The following ABCC4 variants were observed in gnomAD, a reference collection of about 807,000 sequenced individuals.
ABCC4 encodes the protein ATP-binding cassette sub-family C member 4.
Under a neutral mutation model 168.5 loss-of-function variants are expected in ABCC4, and 102 were observed. That is an observed-to-expected ratio of 0.61 (90% CI 0.52 to 0.71). The LOEUF is 0.71. Among genes scored for constraint, ABCC4 ranks in the 30% least tolerant of loss-of-function variants. The pLI is 0.00. For missense variants in ABCC4, 1,402 were observed against 1,605.8 expected (o/e 0.87, Z 2.17); for synonymous variants, 617 against 590.7 (o/e 1.04, Z -0.65).
rs1442259034 is a variant in ABCC4, at chr13:95,021,555, A to G, written c.*20T>C. The G allele has an allele frequency of 1.3e-6, 2 of 1,546,776 alleles. No individual in the cohort carries two copies. The highest frequency in any genetic ancestry group is 1.8e-6 in the Non-Finnish European group (2 of 1,120,822). ...CTAGTGGAAAATGCCTTCGGAACGG[A>G]CTTGACATTTTGGTTGGATTCACAG... is the stretch of plus-strand genomic sequence containing the variant. On this transcript the variant is annotated 3_prime_UTR_variant, in exon 31 of 31. Transcript: ENST00000645237.
rs765938854 is a variant in ABCC4, at chr13:95,062,745, C to T, written c.3325G>A (p.Gly1109Arg). The T allele has an allele frequency of 2.2e-5, 36 of 1,613,762 alleles. No homozygotes were observed. Among genetic ancestry groups the T allele is most frequent in the Non-Finnish European group, 3.0e-5 (35 of 1,179,940 alleles). Residue 1109 changes from glycine to arginine, a missense_variant, in exon 26 of 31, where the codon GGA (glycine) becomes AGA (arginine). Around this residue, in one of 3 missense-constraint regions of ABCC4, gnomAD observed 1,007 missense variants for 1,127.3 expected, o/e 0.89. Transcript: ENST00000645237. ...WIDKILTTEI[G>R]LHDLRKKMSI... ...ATCTTCTTCCTTAAATCGTGAAGTC[C>T]AATTTCAGTTGTCAAGATCTTATCA...
At chr13:95,078,759 C>T (rs1200102775) in intron 21 of ABCC4, among the ~76,000 whole-genome samples, 2 of 152,176 alleles carry the variant, frequency 1.3e-5, no homozygotes, top group African/African-American at 4.8e-5. Context: ...CATGCTCTTA[C>T]CTCCAGAGCA....
At chr13:95,101,899 G>A (rs2034822650) in intron 20 of ABCC4, among the ~76,000 whole-genome samples, 1 of 152,116 alleles carries the variant, frequency 6.6e-6, no homozygotes, top group Non-Finnish European at 1.5e-5. Flanking sequence ...AATATACGTA[G>A]TATTTAAAAA....
chr13:95,195,119 A>G (rs920045983), intron 8 of ABCC4, among the ~76,000 whole-genome samples, 182 bp from the exon 9 acceptor site: 1 of 152,222 alleles, frequency 6.6e-6, no homozygotes, highest in Admixed American at 6.5e-5. Flanking sequence ...ATAAACATGT[A>G]AAGAGTTCAT....
At chr13:95,034,201 T>G (rs553215235) in intron 30 of ABCC4, among the ~76,000 whole-genome samples, 1 of 152,314 alleles carries the variant, frequency 6.6e-6, no homozygotes, top group East Asian at 1.9e-4. Context: ...CTCTTAAATC[T>G]CCTGTATGTA....
intron 20 of ABCC4, among the ~76,000 whole-genome samples, chr13:95,111,815 T>G (rs142750704): frequency 3.3e-5 from 5 of 152,210 alleles, no homozygotes; most frequent in Non-Finnish European, 7.3e-5. Context: ...AGCGATTTCA[T>G]CGGGAGAGTA....
chr13:95,250,480 C>T (rs2040225664), intron 1 of ABCC4, among the ~76,000 whole-genome samples: 1 of 152,114 alleles, frequency 6.6e-6, no homozygotes, highest in Non-Finnish European at 1.5e-5. Flanking sequence ...TTGAATAAGA[C>T]AGATGGGTAG....
At chr13:95,164,613 G>A (rs1198084789) in intron 15 of ABCC4, 95 bp from the exon 16 acceptor site, 1 of 1,357,870 alleles carries the variant, frequency 7.4e-7, no homozygotes, top group African/African-American at 1.4e-5. Flanking sequence ...TGGGGAAACA[G>A]GCAGAAGTCC....
intron 8 of ABCC4, among the ~76,000 whole-genome samples, chr13:95,204,952 A>T (rs2038738758): frequency 6.6e-6 from 1 of 152,230 alleles, no homozygotes; most frequent in South Asian, 2.1e-4. Context: ...GAATTACAGC[A>T]GCACAATACA....
rs756666915 is a variant in ABCC4, at chr13:95,074,302, T to C, written c.2829A>G (p.Thr943=). 4 of 1,613,304 alleles carry C rather than the reference T, an allele frequency of 2.5e-6. No individual in the cohort carries two copies. The Admixed American group carries it at 6.7e-5, about 27-fold the overall frequency. Reference sequence around the variant, plus strand: ...GACGGACGGCAAACCAGCGGGACGTTGTCAAAAACAAGAACCAAGCCTCTG... The same window carrying C: ...GACGGACGGCAAACCAGCGGGACGTCGTCAAAAACAAGAACCAAGCCTCTG... ...LHSEAWFLFL[T]TSRWFAVRLD... The change falls in exon 23 of 31, where the codon ACA becomes ACG. Residue 943 remains threonine, a synonymous_variant. Coordinates refer to ENST00000645237, the MANE Select transcript of ABCC4 (RefSeq NM_005845.5).
intron 19 of ABCC4, among the ~76,000 whole-genome samples, chr13:95,132,476 C>T (rs751506127): frequency 5.3e-5 from 8 of 152,086 alleles, no homozygotes; most frequent in African/African-American, 7.2e-5. Flanking sequence ...CTCAGCCTCC[C>T]GAAATGCTGG....
At chr13:95,112,182 G>A (rs11839590) in intron 20 of ABCC4, among the ~76,000 whole-genome samples, 10,798 of 152,028 alleles carry the variant, frequency 0.071, 481 homozygotes, top group African/African-American at 0.11. Context: ...GCAAAACCCT[G>A]TCTCTACTAA....
chr13:95,135,517 A>G (rs1005712572), intron 19 of ABCC4, among the ~76,000 whole-genome samples: 3 of 150,494 alleles, frequency 2.0e-5, no homozygotes, highest in African/African-American at 7.4e-5. Context: ...GGCTCAAGTG[A>G]TCCTCCCACC....
chr13:95,107,112 C>A (rs1258552348), intron 20 of ABCC4, among the ~76,000 whole-genome samples: 1 of 151,982 alleles, frequency 6.6e-6, no homozygotes, highest in Non-Finnish European at 1.5e-5. Context: ...AAAAAATTAG[C>A]CAGGCATAGT....
At chr13:95,024,904 T>C (rs983200642) in intron 30 of ABCC4, among the ~76,000 whole-genome samples, 5 of 151,942 alleles carry the variant, frequency 3.3e-5, no homozygotes, top group Non-Finnish European at 5.9e-5. Context: ...TGGTAAAATA[T>C]CATGAAGGGC....
At chr13:95,212,627 C>T (rs1358793717) in intron 4 of ABCC4, among the ~76,000 whole-genome samples, 6 of 152,032 alleles carry the variant, frequency 3.9e-5, no homozygotes, top group Non-Finnish European at 8.8e-5. Flanking sequence ...TCTGGGTGCA[C>T]CAGGAGGGCT....
At chr13:95,188,381 T>C (rs1483945263) in intron 10 of ABCC4, 72 bp downstream of exon 10, 1 of 1,400,208 alleles carries the variant, frequency 7.1e-7, no homozygotes. Context: ...ACACGTAGCC[T>C]TGGGCTCAAA....
At chr13:95,145,829 C>T (rs2036474969) in intron 19 of ABCC4, among the ~76,000 whole-genome samples, 1 of 152,064 alleles carries the variant, frequency 6.6e-6, no homozygotes, top group African/African-American at 2.4e-5. Flanking sequence ...GCCATTATCC[C>T]AAGCAAATTA....
chr13:95,144,932 T>C (rs1165747943), intron 19 of ABCC4, among the ~76,000 whole-genome samples: 1 of 151,722 alleles, frequency 6.6e-6, no homozygotes, highest in African/African-American at 2.4e-5. Flanking sequence ...AAAGCAATCC[T>C]AAGCAAAAAG....
Sources: allele counts gnomAD v4.1 joint callset (sites outside exome capture counted in the v4.1 genomes callset), GRCh38; gene constraint gnomAD v4.1.1; regional missense constraint gnomAD v4.1.1; transcripts MANE v1.5; gene names NCBI Gene and HGNC (gene_info 2026-07-23, HGNC 2026-07-21).